Variants in XRCC6 observed in about 807,000 individuals in gnomAD.
XRCC6 encodes the protein X-ray repair cross complementing 6.
XRCC6 carries 5 observed loss-of-function variants against 65.7 expected under a neutral mutation model. The ratio of observed to expected loss-of-function variants is 0.08; its 90% CI spans 0.04 to 0.16. The LOEUF (loss-of-function observed/expected upper bound fraction) is 0.16. Among genes scored for constraint, XRCC6 ranks in the 10% least tolerant of loss-of-function variants. The probability of loss-of-function intolerance (pLI) is 1.00; values close to 1 mark genes in which losing one functional copy is unlikely to be tolerated. For synonymous variants in XRCC6, 270 were observed against 270.6 expected (o/e 1.00, Z 0.02); for missense variants, 447 against 738.1 (o/e 0.61, Z 4.57).
intron 3 of XRCC6, among the ~76,000 whole-genome samples, chr22:41,633,632 C>A (rs942302920): frequency 6.6e-6 from 1 of 152,252 alleles, no homozygotes; most frequent in South Asian, 2.1e-4. Flanking sequence ...CTGCCCACTT[C>A]GGCCTCCCAA....
chr22:41,638,791 A>AAAAG (rs1187759645), intron 6 of XRCC6, among the ~76,000 whole-genome samples: 1 of 151,826 alleles, frequency 6.6e-6, no homozygotes, highest in African/African-American at 2.4e-5. Context: ...AAAAAAAAAA[A>AAAAG]AAAAAAAGAA....
chr22:41,631,451 T>A (rs1317522354), intron 3 of XRCC6, among the ~76,000 whole-genome samples: 1 of 137,550 alleles, frequency 7.3e-6, no homozygotes, highest in Admixed American at 7.3e-5. Context: ...CCTTCTCAGA[T>A]GGGGCGGCTG....
chr22:41,638,220 C>T (rs2067830881), intron 6 of XRCC6, among the ~76,000 whole-genome samples: 1 of 151,878 alleles, frequency 6.6e-6, no homozygotes, highest in South Asian at 2.1e-4. Context: ...TAAGAGTATC[C>T]TTAGCTGTAC....
chr22:41,647,280 T>G (rs2067942026), intron 7 of XRCC6, among the ~76,000 whole-genome samples, 198 bp downstream of exon 7: 1 of 152,118 alleles, frequency 6.6e-6, no homozygotes, highest in South Asian at 2.1e-4. Flanking sequence ...TTTATTTATT[T>G]ATTTTTTAAG....
At chr22:41,638,795 A>G (rs1212271201) in intron 6 of XRCC6, among the ~76,000 whole-genome samples, 4 of 151,836 alleles carry the variant, frequency 2.6e-5, no homozygotes, top group African/African-American at 7.3e-5. Context: ...AAAAAAAAAA[A>G]AAAGAAATAT....
chr22:41,623,289 C>A (rs1732231959), intron 2 of XRCC6, among the ~76,000 whole-genome samples: 1 of 152,088 alleles, frequency 6.6e-6, no homozygotes, highest in Non-Finnish European at 1.5e-5. Flanking sequence ...GTTGATCAGG[C>A]TGGTCTCAAA....
chr22:41,658,399 C>A, intron 11 of XRCC6, 47 bp downstream of exon 11: 1 of 1,564,872 alleles, frequency 6.4e-7, no homozygotes, highest in Non-Finnish European at 8.8e-7. Context: ...GGCTTTCTTA[C>A]TGGTTCCACT....
intron 1 of XRCC6, 32 bp from the exon 2 acceptor site, chr22:41,621,956 TTG>T: frequency 6.2e-7 from 1 of 1,604,242 alleles, no homozygotes; most frequent in Non-Finnish European, 8.5e-7. Context: ...CGATTTAAAT[TTG>T]CCTGTTACTG....
chr22:41,628,210 C>T lies in XRCC6; in HGVS notation c.175C>T (p.Pro59Ser). Reference sequence around the variant, plus strand: ...ATCTCAGAGTGAAGATGAGTTGACACCTTTTGACATGAGCATCCAGGTAAG... The same window carrying T: ...ATCTCAGAGTGAAGATGAGTTGACATCTTTTGACATGAGCATCCAGGTAAG... The part of the protein sequence containing the change: ...FESQSEDELT[P>S]FDMSIQCIQS... Residue 59 changes from proline to serine, a missense_variant, in exon 3 of 13, where the codon CCT (proline) becomes TCT (serine). By Grantham distance (74) the Pro-to-Ser change is moderately conservative (BLOSUM62 -1). This residue lies in a region of XRCC6 where 228 missense variants were observed against 307.4 expected (regional missense o/e 0.74). Transcript: ENST00000360079. 3 of 1,612,766 alleles carry T rather than the reference C, an allele frequency of 1.9e-6. No homozygotes were observed. Among genetic ancestry groups the T allele is most frequent in the South Asian group, 1.1e-5 (1 of 90,742 alleles).
intron 9 of XRCC6, among the ~76,000 whole-genome samples, chr22:41,655,434 G>C (rs182403351): frequency 6.6e-6 from 1 of 151,868 alleles, no homozygotes; most frequent in African/African-American, 2.4e-5. Context: ...GTGGCCAGGC[G>C]TGGTGGCTCA....
rs761852720 is a variant in XRCC6, at chr22:41,661,430, C to T, written c.1622C>T (p.Thr541Ile). 6.2e-7 allele frequency: 1 copy of T among 1,613,642 alleles called. No individual in the cohort carries two copies. The highest frequency in any genetic ancestry group is 8.5e-7 in the Non-Finnish European group (1 of 1,179,824). ...GATTACAATCCTGAAGGGAAAGTTA[C>T]CAAGAGAAAACACGGTGAGAAGCTG... ...PPDYNPEGKV[T>I]KRKHDNEGSG... Residue 541 changes from threonine (T) to isoleucine (I), a missense_variant, in exon 12 of 13, where the codon ACC (threonine) becomes ATC (isoleucine). This residue lies in a region of XRCC6 where 201 missense variants were observed against 374.1 expected (regional missense o/e 0.54). Coordinates refer to ENST00000360079, the MANE Select transcript of XRCC6 (RefSeq NM_001469.5).
rs1334466461 is a variant in XRCC6 at position 41,659,573 on chromosome 22, C to T, written c.1522+1221C>T. ...CAGGCTGGTGTCAAATTCCTGACCT[C>T]AAGTGATCCACCTGTCTCGGCCTCC... is the stretch of plus-strand genomic sequence containing the variant. On this transcript the variant is annotated intron_variant, in intron 11 of 12. Coordinates refer to ENST00000360079, the MANE Select transcript of XRCC6 (RefSeq NM_001469.5). Among the ~76,000 whole-genome samples the T allele has an allele frequency of 1.4e-4, 21 of 151,998 alleles. 1 individual carries two copies. Among genetic ancestry groups the T allele is most frequent in the Admixed American group, 1.4e-3 (21 of 15,252 alleles).
At chr22:41,649,139 A>AAAAAAAATATATATATATAT in intron 7 of XRCC6, among the ~76,000 whole-genome samples, 18 of 88,724 alleles carry the variant, frequency 2.0e-4, no homozygotes, top group Non-Finnish European at 1.7e-4. Flanking sequence ...AAAAAAAAAA[A>AAAAAAAATATATATATATAT]ATATATATAT....
intron 11 of XRCC6, among the ~76,000 whole-genome samples, chr22:41,658,745 C>G (rs2068070669): frequency 6.6e-6 from 1 of 152,162 alleles, no homozygotes; most frequent in Non-Finnish European, 1.5e-5. Context: ...TCTACTCTGT[C>G]TCTACTAAAC....
chr22:41,660,113 C>T (rs1601558661), intron 11 of XRCC6, among the ~76,000 whole-genome samples: 2 of 152,328 alleles, frequency 1.3e-5, no homozygotes, highest in East Asian at 3.9e-4. Context: ...AGCATTGTGC[C>T]ATCTAGGTAC....
chr22:41,646,058 C>T (rs748431138), intron 6 of XRCC6, among the ~76,000 whole-genome samples: 7 of 151,930 alleles, frequency 4.6e-5, no homozygotes, highest in Non-Finnish European at 1.0e-4. Context: ...AATCCCAGCA[C>T]TTTGGGAGGC....
chr22:41,642,522 T>C (rs914415438), intron 6 of XRCC6, among the ~76,000 whole-genome samples: 2 of 152,254 alleles, frequency 1.3e-5, no homozygotes, highest in African/African-American at 4.8e-5. Flanking sequence ...AAGAAATCTT[T>C]GCCAAGCTCA....
At chr22:41,633,899 A>G (rs1376777717) in intron 3 of XRCC6, among the ~76,000 whole-genome samples, 1 of 152,254 alleles carries the variant, frequency 6.6e-6, no homozygotes, top group Non-Finnish European at 1.5e-5. Context: ...GATAAGCAAT[A>G]GAAAACATTT....
chr22:41,636,885 C>G (rs1361191150), intron 5 of XRCC6, 115 bp downstream of exon 5: 22 of 1,365,270 alleles, frequency 1.6e-5, no homozygotes, highest in Middle Eastern at 2.5e-4. Flanking sequence ...GTAGCTGGGA[C>G]TATAAGCATG....
Sources: gnomAD v4.1 joint callset for allele counts (sites outside exome capture counted in the v4.1 genomes callset) on GRCh38, gnomAD v4.1.1 for gene constraint, gnomAD v4.1.1 regional missense constraint, MANE v1.5 for transcripts, NCBI Gene and HGNC (gene_info 2026-07-23, HGNC 2026-07-21) for gene names.